Variants in RIT2 observed in about 807,000 individuals in gnomAD.
RIT2 encodes the protein GTP-binding protein Rit2.
In RIT2, 24 loss-of-function variants were observed where a neutral mutation model predicts 23.7. The ratio of observed to expected loss-of-function variants is 1.01; its 90% CI spans 0.73 to 1.43. RIT2 has a LOEUF of 1.43. Ranked by LOEUF, RIT2 falls within the 40% of genes most tolerant of loss-of-function variation. The probability of loss-of-function intolerance (pLI) is 0.00; values close to 1 mark genes in which losing one functional copy is unlikely to be tolerated. For missense variants in RIT2, 236 were observed against 266.9 expected (o/e 0.88, Z 0.81); for synonymous variants, 107 against 91.1 (o/e 1.17, Z -0.99).
intron 3 of RIT2, among the ~76,000 whole-genome samples, chr18:42,935,861 G>A (rs536536251): frequency 6.6e-6 from 1 of 152,012 alleles, no homozygotes; most frequent in South Asian, 2.1e-4. Flanking sequence ...TTTGAGGTCC[G>A]GATTGGCTAT....
At chr18:42,949,653 C>T (rs1175230269) in intron 3 of RIT2, among the ~76,000 whole-genome samples, 1 of 152,082 alleles carries the variant, frequency 6.6e-6, no homozygotes, top group African/African-American at 2.4e-5. Context: ...CTCTATTTAA[C>T]TATTTCGTAT....
chr18:42,899,235 T>A (rs1908412465), intron 4 of RIT2, among the ~76,000 whole-genome samples: 1 of 151,080 alleles, frequency 6.6e-6, no homozygotes, highest in African/African-American at 2.4e-5. Context: ...TCAGTGGGCA[T>A]AAGAATTAAC....
intron 2 of RIT2, among the ~76,000 whole-genome samples, chr18:43,009,242 T>C (rs1221977937): frequency 6.6e-6 from 1 of 151,698 alleles, no homozygotes; most frequent in Non-Finnish European, 1.5e-5. Flanking sequence ...TCACAAACTT[T>C]TTTTTAAAAT....
intron 2 of RIT2, among the ~76,000 whole-genome samples, chr18:42,999,983 C>T (rs1911067856): frequency 1.3e-5 from 2 of 152,100 alleles, no homozygotes; most frequent in Non-Finnish European, 2.9e-5. Context: ...TGAAAAATCT[C>T]CTTTTTCAGA....
At chr18:42,929,398 T>C (rs767248301) in intron 3 of RIT2, among the ~76,000 whole-genome samples, 9 of 152,052 alleles carry the variant, frequency 5.9e-5, no homozygotes, top group African/African-American at 2.2e-4. Context: ...TACTCAATAA[T>C]ACTGACGGAA....
chr18:43,044,852 C>T (rs1355321432), intron 1 of RIT2, among the ~76,000 whole-genome samples: 2 of 152,076 alleles, frequency 1.3e-5, no homozygotes, highest in African/African-American at 2.4e-5. Flanking sequence ...CTTGACATTT[C>T]CCCACAAACT....
intron 1 of RIT2, among the ~76,000 whole-genome samples, chr18:43,060,540 T>C (rs1274206294): frequency 6.6e-6 from 1 of 152,104 alleles, no homozygotes; most frequent in Non-Finnish European, 1.5e-5. Context: ...CCAGAACGTA[T>C]TGGGTCTGGT....
chr18:42,875,713 T>C (rs1907728276), intron 4 of RIT2, among the ~76,000 whole-genome samples: 1 of 152,060 alleles, frequency 6.6e-6, no homozygotes, highest in South Asian at 2.1e-4. Flanking sequence ...AATAGACCTA[T>C]CAGTGAAGCC....
intron 4 of RIT2, among the ~76,000 whole-genome samples, chr18:42,825,752 G>A (rs1356142535): frequency 6.6e-6 from 1 of 151,740 alleles, no homozygotes; most frequent in Non-Finnish European, 1.5e-5. Context: ...ATTATAATAG[G>A]TTTTAAATGG....
chr18:42,807,129 T>C (rs1369985896), intron 4 of RIT2, among the ~76,000 whole-genome samples: 1 of 152,210 alleles, frequency 6.6e-6, no homozygotes, highest in Non-Finnish European at 1.5e-5. Flanking sequence ...CTTTGAATCT[T>C]TCAATTTATA....
rs140962173 is a variant in RIT2 at position 43,037,975 on chromosome 18, C to T, written c.104-4108G>A. Among the ~76,000 whole-genome samples, 1,325 of 151,992 alleles carry T rather than the reference C, an allele frequency of 8.7e-3. 37 individuals are homozygous for T. The highest frequency in any genetic ancestry group is 0.03 in the African/African-American group (1,260 of 41,460). ...ATCCCAGTACTTTGAGAGGCCAAGG[C>T]GGGCGGATCACGAGGTCAGGAGATC... On this transcript the variant is annotated intron_variant, in intron 1 of 4. Coordinates refer to ENST00000326695, the MANE Select transcript of RIT2 (RefSeq NM_002930.4).
At chr18:42,772,420 C>T (rs1471242591) in intron 4 of RIT2, among the ~76,000 whole-genome samples, 2 of 152,108 alleles carry the variant, frequency 1.3e-5, no homozygotes, top group South Asian at 4.1e-4. Flanking sequence ...TAAGAATTCC[C>T]TCAGCAGTGC....
At chr18:43,006,951 A>C (rs1911242626) in intron 2 of RIT2, among the ~76,000 whole-genome samples, 1 of 151,532 alleles carries the variant, frequency 6.6e-6, no homozygotes, top group African/African-American at 2.4e-5. Flanking sequence ...AAAAGAAGAA[A>C]TAATAAATAA....
chr18:42,966,676 T>G (rs1339319914), intron 3 of RIT2, among the ~76,000 whole-genome samples: 1 of 152,142 alleles, frequency 6.6e-6, no homozygotes. Flanking sequence ...TTTCTCAATA[T>G]GTACAAAAAT....
chr18:42,954,986 A>T (rs1909939212), intron 3 of RIT2, among the ~76,000 whole-genome samples: 2 of 152,278 alleles, frequency 1.3e-5, no homozygotes, highest in South Asian at 4.1e-4. Flanking sequence ...TTTATATCAG[A>T]CAAGCTATGT....
chr18:42,766,125 G>T (rs1250859462), intron 4 of RIT2, among the ~76,000 whole-genome samples: 1 of 152,146 alleles, frequency 6.6e-6, no homozygotes, highest in Non-Finnish European at 1.5e-5. Context: ...AGAGTGGTGT[G>T]TTGCTGAAAA....
chr18:43,011,266 G>A (rs1253819197), intron 2 of RIT2, among the ~76,000 whole-genome samples: 1 of 151,714 alleles, frequency 6.6e-6, no homozygotes, highest in East Asian at 2.0e-4. Flanking sequence ...AATCAGGAGA[G>A]TGGAACAGAA....
intron 2 of RIT2, among the ~76,000 whole-genome samples, chr18:43,026,584 G>GAAAGAAAGAAAGAAAT (rs1911727664): frequency 2.1e-5 from 2 of 94,092 alleles, no homozygotes; most frequent in African/African-American, 3.7e-5. Flanking sequence ...AAGAAAGAAA[G>GAAAGAAAGAAAGAAAT]AAAGAAAGAA....
intron 4 of RIT2, among the ~76,000 whole-genome samples, chr18:42,915,480 C>A (rs1908883672): frequency 6.6e-6 from 1 of 151,940 alleles, no homozygotes; most frequent in Non-Finnish European, 1.5e-5. Flanking sequence ...TTGCTTTTTT[C>A]TTTTCCTTAA....
Sources: allele counts gnomAD v4.1 joint callset (sites outside exome capture counted in the v4.1 genomes callset), GRCh38; gene constraint gnomAD v4.1.1; transcripts MANE v1.5; gene names NCBI Gene and HGNC (gene_info 2026-07-23, HGNC 2026-07-21).